BLTP3B: variants seen among roughly 807,000 people sequenced by gnomAD.
The protein encoded by BLTP3B is UHRF1 (ICBP90) binding protein 1-like.
the BLTP3B span, among the ~76,000 whole-genome samples, chr12:100,069,684 C>A: frequency 6.6e-6 from 1 of 151,742 alleles, no homozygotes; most frequent in Non-Finnish European, 1.5e-5. Context: ...AAGAATGATA[C>A]AATGGACTTT....
the BLTP3B span, among the ~76,000 whole-genome samples, chr12:100,132,601 C>T: frequency 6.6e-6 from 1 of 152,204 alleles, no homozygotes; most frequent in African/African-American, 2.4e-5. Context: ...TGCCCTTGAA[C>T]TTCTCAGCCA....
the BLTP3B span, among the ~76,000 whole-genome samples, chr12:100,080,489 T>TG: frequency 5.3e-4 from 80 of 152,174 alleles, no homozygotes; most frequent in Non-Finnish European, 1.0e-3. Context: ...ATGTGAAACA[T>TG]GGAGTCAAAG....
chr12:100,049,283 C>A, the BLTP3B span, among the ~76,000 whole-genome samples: 1 of 152,140 alleles, frequency 6.6e-6, no homozygotes, highest in East Asian at 1.9e-4. Context: ...AAAGGCGAAG[C>A]TGTTTCAGTT....
chr12:100,130,987 GAGAGAGAGAGAGAGAGAGA>G, the BLTP3B span, among the ~76,000 whole-genome samples: 4 of 76,270 alleles, frequency 5.2e-5, no homozygotes, highest in African/African-American at 1.8e-4. Flanking sequence ...GGGAGGGAGA[GAGAGAGAGAGAGAGAGAGA>G]GAGAGAGAGA....
chr12:100,056,824 G>GA, the BLTP3B span, among the ~76,000 whole-genome samples: 4,117 of 137,460 alleles, frequency 0.03, 189 homozygotes, highest in African/African-American at 0.099. Flanking sequence ...GCGACAGAGT[G>GA]AAAAAAAAAA....
At chr12:100,108,535 A>G in the BLTP3B span, 1 of 1,606,180 alleles carries the variant, frequency 6.2e-7, no homozygotes, top group South Asian at 1.1e-5. Context: ...TCAGGAGATA[A>G]ATTTTTGGTA....
At chr12:100,114,960 A>T in the BLTP3B span, among the ~76,000 whole-genome samples, 5 of 152,318 alleles carry the variant, frequency 3.3e-5, no homozygotes, top group South Asian at 1.0e-3. Context: ...CAGGCTCACA[A>T]TGTGAATTAG....
chr12:100,101,506 A>G, the BLTP3B span, among the ~76,000 whole-genome samples: 3 of 152,248 alleles, frequency 2.0e-5, no homozygotes, highest in Non-Finnish European at 1.5e-5. Context: ...GGCATTAATC[A>G]CATTAAAAAT....
chr12:100,069,449 T>C, the BLTP3B span, among the ~76,000 whole-genome samples: 1,516 of 152,158 alleles, frequency 1.0e-2, 25 homozygotes, highest in African/African-American at 0.035. Context: ...TATACATACA[T>C]ATATGTGCGT....
the BLTP3B span, among the ~76,000 whole-genome samples, chr12:100,083,441 G>A: frequency 6.6e-6 from 1 of 152,094 alleles, no homozygotes; most frequent in Non-Finnish European, 1.5e-5. Context: ...GGAGGGAAGG[G>A]GAGGGGCAGA....
At chr12:100,041,863 G>A in the BLTP3B span, among the ~76,000 whole-genome samples, 8 of 152,124 alleles carry the variant, frequency 5.3e-5, no homozygotes, top group East Asian at 9.7e-4. Context: ...ATGATCTTGC[G>A]TATAGAAAAA....
the BLTP3B span, among the ~76,000 whole-genome samples, chr12:100,116,246 G>A: frequency 3.3e-5 from 5 of 151,440 alleles, no homozygotes; most frequent in African/African-American, 7.3e-5. Flanking sequence ...GGAAGCTGAC[G>A]TGGGAGGATG....
the BLTP3B span, among the ~76,000 whole-genome samples, chr12:100,095,041 T>G: frequency 3.9e-5 from 6 of 152,188 alleles, no homozygotes; most frequent in African/African-American, 1.4e-4. Context: ...ATAAAATTAT[T>G]TAAAATATTA....
the BLTP3B span, among the ~76,000 whole-genome samples, chr12:100,040,704 A>G: frequency 6.6e-6 from 1 of 151,628 alleles, no homozygotes; most frequent in Non-Finnish European, 1.5e-5. Context: ...CAACAACAAC[A>G]ACAAAAAAAA....
the BLTP3B span, among the ~76,000 whole-genome samples, chr12:100,096,916 C>T: frequency 2.6e-5 from 4 of 152,118 alleles, no homozygotes; most frequent in Non-Finnish European, 5.9e-5. Context: ...CTCATCTCTA[C>T]AAGTAACTTA....
the BLTP3B span, among the ~76,000 whole-genome samples, chr12:100,085,762 T>A: frequency 6.6e-6 from 1 of 152,142 alleles, no homozygotes; most frequent in Admixed American, 6.5e-5. Context: ...ATACTTTTTT[T>A]TTCTTTTCAT....
the BLTP3B span, chr12:100,097,476 C>G: frequency 1.2e-6 from 2 of 1,611,854 alleles, no homozygotes; most frequent in South Asian, 1.1e-5. Flanking sequence ...TTCTTATCAT[C>G]TGCCAATTTA....
the BLTP3B span, among the ~76,000 whole-genome samples, chr12:100,106,607 T>C: frequency 1.3e-5 from 2 of 152,120 alleles, no homozygotes; most frequent in Admixed American, 6.5e-5. Flanking sequence ...AGAAGGTGGG[T>C]AGGGGTAGGA....
the BLTP3B span, chr12:100,142,684 C>T: frequency 6.3e-7 from 1 of 1,585,244 alleles, no homozygotes. Flanking sequence ...CTCACTGCCT[C>T]CTCTCTTCGT....
Sources: allele counts gnomAD v4.1 joint callset (sites outside exome capture counted in the v4.1 genomes callset), GRCh38; gene constraint gnomAD v4.1.1; transcripts MANE v1.5; gene names NCBI Gene and HGNC (gene_info 2026-07-23, HGNC 2026-07-21).